The following TMCO4 variants were observed in gnomAD, a reference collection of about 807,000 sequenced individuals.
TMCO4 encodes transmembrane and coiled-coil domains 4.
TMCO4 carries 58 observed loss-of-function variants against 64.7 expected under a neutral mutation model. The ratio of observed to expected loss-of-function variants is 0.90; its 90% confidence interval spans 0.73 to 1.12. The LOEUF (loss-of-function observed/expected upper bound fraction) is 1.12. Ranked by LOEUF, TMCO4 falls within the 50% of genes most tolerant of loss-of-function variation. TMCO4 has a pLI of 0.00. For synonymous variants in TMCO4, 325 were observed against 346.1 expected (o/e 0.94, Z 0.68); for missense variants, 780 against 825.9 (o/e 0.94, Z 0.68).
At chr1:19,779,472 A>C (rs984957831) in intron 4 of TMCO4, among the ~76,000 whole-genome samples, 5 of 152,220 alleles carry the variant, frequency 3.3e-5, no homozygotes. Flanking sequence ...TTTAAGGTCA[A>C]AGCCCATGCT....
rs1015871711 is a variant in TMCO4 at position 19,752,061 on chromosome 1, A to AT, written c.515+3572dup. ...AGACTTTGTCTCAAAAAAAAAAAAAATTTTTTTTTTGTACATAAAATAGCT... is the reference window on the plus strand; with the variant it reads ...AGACTTTGTCTCAAAAAAAAAAAAAATTTTTTTTTTTGTACATAAAATAGCT... On this transcript the variant is annotated intron_variant, in intron 7 of 15. Coordinates refer to ENST00000294543, the MANE Select transcript of TMCO4 (RefSeq NM_181719.7). Among the ~76,000 whole-genome samples, 78 of 150,064 alleles carry AT rather than the reference A, an allele frequency of 5.2e-4. No individual in the cohort carries two copies. In the East Asian group the frequency reaches 0.012, roughly 24 times the overall value.
At chr1:19,749,671 T>C (rs1306261980) in intron 7 of TMCO4, among the ~76,000 whole-genome samples, 2 of 152,120 alleles carry the variant, frequency 1.3e-5, no homozygotes, top group Non-Finnish European at 2.9e-5. Flanking sequence ...CCGGGACAAC[T>C]GGTAGAATCT....
At position 19,780,626 on chromosome 1, in the gene TMCO4, G is replaced by A. The variant is rs139365684; in HGVS notation, c.133C>T (p.Leu45Phe). Reference sequence around the variant, plus strand: ...AACTGGGACAGGGAGATGCCACAGAGGGCAGCATAGGCGAAGCGGTTGGCC... The same window carrying A: ...AACTGGGACAGGGAGATGCCACAGAAGGCAGCATAGGCGAAGCGGTTGGCC... ...TEANRFAYAA[L>F]CGISLSQLFP... is the part of the protein sequence containing the mutation. The change falls in exon 4 of 16, where the codon CTC becomes TTC. Residue 45 changes from leucine to phenylalanine, a missense_variant. Coordinates refer to ENST00000294543, the MANE Select transcript of TMCO4 (RefSeq NM_181719.7). 6.2e-7 allele frequency: 1 copy of A among 1,613,764 alleles called. No homozygotes were observed.
At chr1:19,787,445 C>T (rs1349996243) in intron 2 of TMCO4, among the ~76,000 whole-genome samples, 1 of 152,250 alleles carries the variant, frequency 6.6e-6, no homozygotes. Context: ...AGCGGGCACC[C>T]TGTCGCCTCC....
At position 19,700,808 on chromosome 1, in the gene TMCO4, G is replaced by A. The variant is rs144254063; in HGVS notation, c.1342C>T (p.Arg448Trp). 116 of 1,614,070 alleles carry A rather than the reference G, an allele frequency of 7.2e-5. No homozygotes were observed. The highest frequency in any genetic ancestry group is 8.9e-5 in the Non-Finnish European group (105 of 1,180,026). ...EGEAKHWEPFRKVVSGRIING... is the reference protein window; with the variant it reads ...EGEAKHWEPFWKVVSGRIING... ...ATGATCCTCCCGGACACCACCTTCC[G>A]GAAAGGCTCCCAATGCTTGGCTTCT... The change falls in exon 14 of 16, where the codon CGG becomes TGG. Residue 448 changes from arginine to tryptophan, a missense_variant. Arg to Trp is a moderately radical substitution (Grantham distance 101). Transcript: ENST00000294543.
At chr1:19,754,247 A>G (rs2042148711) in intron 7 of TMCO4, among the ~76,000 whole-genome samples, 1 of 152,202 alleles carries the variant, frequency 6.6e-6, no homozygotes, top group African/African-American at 2.4e-5. Flanking sequence ...TAAGATTTCC[A>G]AATAATAACT....
At chr1:19,701,672 A>G (rs2095273185) in intron 13 of TMCO4, among the ~76,000 whole-genome samples, 1 of 152,040 alleles carries the variant, frequency 6.6e-6, no homozygotes, top group East Asian at 1.9e-4. Context: ...CAGGTGGGAG[A>G]CACCAATATC....
chr1:19,692,216 G>A (rs934084594), intron 15 of TMCO4, among the ~76,000 whole-genome samples: 7 of 152,194 alleles, frequency 4.6e-5, no homozygotes, highest in African/African-American at 1.7e-4. Context: ...AAGTCGGCTT[G>A]TGCTTGTAGT....
At chr1:19,728,066 T>C (rs1327984648) in intron 13 of TMCO4, among the ~76,000 whole-genome samples, 1 of 152,050 alleles carries the variant, frequency 6.6e-6, no homozygotes, top group African/African-American at 2.4e-5. Context: ...AGGTGGAGGA[T>C]GAGAGGAGGG....
At chr1:19,716,071 T>C (rs776172049) in intron 13 of TMCO4, among the ~76,000 whole-genome samples, 6 of 152,072 alleles carry the variant, frequency 3.9e-5, no homozygotes, top group South Asian at 2.1e-4. Flanking sequence ...AATCACAGCA[T>C]TATGGGAGGC....
At chr1:19,768,942 T>G (rs957156795) in intron 6 of TMCO4, among the ~76,000 whole-genome samples, 1 of 152,120 alleles carries the variant, frequency 6.6e-6, no homozygotes, top group African/African-American at 2.4e-5. Context: ...TAAAGAAAGT[T>G]TATTATGCTA....
At chr1:19,759,167 G>A (rs1294924662) in intron 6 of TMCO4, among the ~76,000 whole-genome samples, 3 of 150,602 alleles carry the variant, frequency 2.0e-5, no homozygotes, top group African/African-American at 4.9e-5. Context: ...CACAAGCCTG[G>A]GCATTGCTCT....
chr1:19,741,385 C>T (rs1050337748), intron 10 of TMCO4, among the ~76,000 whole-genome samples: 7 of 152,208 alleles, frequency 4.6e-5, no homozygotes, highest in Non-Finnish European at 7.3e-5. Flanking sequence ...AGCAGCACAG[C>T]GCTGTGAGTC....
rs959093934 is a variant in TMCO4 at position 19,734,315 on chromosome 1, G to A, written c.1264+3057C>T. On this transcript the variant is annotated intron_variant, in intron 13 of 15. Coordinates refer to ENST00000294543, the MANE Select transcript of TMCO4 (RefSeq NM_181719.7). This position sits in a 1 kb window ranked among gnomAD's most constrained non-coding sequence, Gnocchi z 4.4. ...CTAGAGAACAGCAGGGGCATTAGAG[G>A]CCCTTGGGGTCTGCCGAGTTGCTGC... 6.6e-6 allele frequency among the ~76,000 whole-genome samples: 1 copy of A among 152,252 alleles called. No homozygotes were observed. The highest frequency in any genetic ancestry group is 1.9e-4 in the East Asian group (1 of 5,180).
At chr1:19,733,613 C>T (rs1025644621) in intron 13 of TMCO4, among the ~76,000 whole-genome samples, 1 of 152,180 alleles carries the variant, frequency 6.6e-6, no homozygotes, top group African/African-American at 2.4e-5. Flanking sequence ...GGTGCCTGAT[C>T]CCTTCCATAT....
At chr1:19,793,049 C>A (rs981944157) in intron 2 of TMCO4, among the ~76,000 whole-genome samples, 6 of 152,044 alleles carry the variant, frequency 3.9e-5, no homozygotes, top group Admixed American at 1.3e-4. Context: ...GGATTACAGA[C>A]GTGAGCCACC....
intron 2 of TMCO4, among the ~76,000 whole-genome samples, chr1:19,792,765 A>ATTTTTTTTTTT (rs71579823): frequency 1.1e-5 from 1 of 89,648 alleles, no homozygotes; most frequent in Non-Finnish European, 2.1e-5. Context: ...GTCAAGGTCA[A>ATTTTTTTTTTT]TTTTTTTTTT....
At chr1:19,763,268 G>A (rs2042585784) in intron 6 of TMCO4, among the ~76,000 whole-genome samples, 1 of 152,022 alleles carries the variant, frequency 6.6e-6, no homozygotes, top group Non-Finnish European at 1.5e-5. Context: ...TACTGATGGG[G>A]TTTCACCATG....
At position 19,682,462 on chromosome 1, in the gene TMCO4, C is replaced by T. The variant is rs148589295; in HGVS notation, c.*578G>A. On this transcript the variant is annotated 3_prime_UTR_variant, in exon 16 of 16. Coordinates refer to ENST00000294543, the MANE Select transcript of TMCO4 (RefSeq NM_181719.7). Reference sequence around the variant, plus strand: ...GACTCATGTCCCTGGAGTTATGCAGCGCACAGCCTACATGGCTGTACAGGG... The same window carrying T: ...GACTCATGTCCCTGGAGTTATGCAGTGCACAGCCTACATGGCTGTACAGGG... The T allele has an allele frequency of 1.4e-4, 87 of 608,836 alleles. No individual in the cohort carries two copies. In the East Asian group the frequency reaches 1.5e-3, roughly 11 times the overall value. 37.7% of individuals were successfully genotyped at this position (608,836 alleles called of 1,614,324 possible).
Sources: gnomAD v4.1 joint callset for allele counts (sites outside exome capture counted in the v4.1 genomes callset) on GRCh38, gnomAD v4.1.1 for gene constraint, Gnocchi (gnomAD v3.1) non-coding constraint, MANE v1.5 for transcripts, NCBI Gene and HGNC (gene_info 2026-07-23, HGNC 2026-07-21) for gene names.